The following HCRTR2 variants were observed in gnomAD, a reference collection of about 807,000 sequenced individuals.
The protein encoded by HCRTR2 is hypocretin receptor 2, also known as orexin receptor type 2.
In HCRTR2, 22 loss-of-function variants were observed where a neutral mutation model predicts 49.0. The observed-to-expected ratio is 0.45, with a 90% CI of 0.32 to 0.64. HCRTR2 has a LOEUF of 0.64. Ranked by LOEUF, HCRTR2 falls within the 30% of genes least tolerant of loss-of-function variation. The pLI is 0.04. For synonymous variants in HCRTR2, 236 were observed against 205.3 expected, an observed-to-expected ratio of 1.15 and a Z score of -1.28; for missense variants, 491 against 559.4, an observed-to-expected ratio of 0.88 and a Z score of 1.23.
At chr6:55,232,112 T>C (rs1766126161) in intron 1 of HCRTR2, among the ~76,000 whole-genome samples, 1 of 152,174 alleles carries the variant, frequency 6.6e-6, no homozygotes, top group Admixed American at 6.5e-5. Context: ...CTTCAACCTG[T>C]AATTAAAAAC....
At position 55,144,634 on chromosome 6, in the gene HCRTR2, G is replaced by C. The variant is rs138580406; in HGVS notation, c.-377-29577G>C. Among the ~76,000 whole-genome samples the C allele has an allele frequency of 2.7e-3, 410 of 152,208 alleles. 3 individuals are homozygous for C. Among genetic ancestry groups the C allele is most frequent in the African/African-American group, 9.5e-3 (393 of 41,544 alleles). Reference sequence around the variant, plus strand: ...ATTCTCCTAAGTAGAGCGCACGTTGGATCCCTCGCATGCGCAGTTCACAAT... The same window carrying C: ...ATTCTCCTAAGTAGAGCGCACGTTGCATCCCTCGCATGCGCAGTTCACAAT... On this transcript the variant is annotated intron_variant, in intron 1 of 7. Coordinates refer to the HCRTR2 transcript ENST00000615358.
At chr6:55,207,613 G>A (rs774335524) in intron 1 of HCRTR2, among the ~76,000 whole-genome samples, 6 of 152,068 alleles carry the variant, frequency 3.9e-5, no homozygotes, top group Admixed American at 3.3e-4. Flanking sequence ...GCTTACAATA[G>A]GGAAGAACCA....
intron 1 of HCRTR2, among the ~76,000 whole-genome samples, chr6:55,180,059 C>A (rs1187174191): frequency 1.3e-5 from 2 of 152,118 alleles, no homozygotes; most frequent in Non-Finnish European, 2.9e-5. Context: ...TTTTTCCCTG[C>A]AAAGGAAATT....
chr6:55,137,266 T>C (rs1389042536), intron 1 of HCRTR2, among the ~76,000 whole-genome samples: 1 of 152,120 alleles, frequency 6.6e-6, no homozygotes, highest in Non-Finnish European at 1.5e-5. Context: ...ACATCAAGCA[T>C]GCTAGCCACC....
chr6:55,133,879 G>C (rs9475160), intron 1 of HCRTR2, among the ~76,000 whole-genome samples: 1 of 151,456 alleles, frequency 6.6e-6, no homozygotes, highest in Non-Finnish European at 1.5e-5. Flanking sequence ...AAAATTTCTT[G>C]ATTTCATTCT....
chr6:55,169,280 G>A (rs1764917412), intron 1 of HCRTR2, among the ~76,000 whole-genome samples: 1 of 151,682 alleles, frequency 6.6e-6, no homozygotes, highest in Admixed American at 6.6e-5. Context: ...TAATAATGCA[G>A]GACAGGAGGC....
At chr6:55,270,153 T>G (rs2127326113) in intron 4 of HCRTR2, among the ~76,000 whole-genome samples, 1 of 152,312 alleles carries the variant, frequency 6.6e-6, no homozygotes, top group Admixed American at 6.5e-5. Context: ...TTTAAAAAGA[T>G]GCATTTATTA....
At chr6:55,219,120 A>C (rs1218574826) in intron 1 of HCRTR2, among the ~76,000 whole-genome samples, 1 of 152,296 alleles carries the variant, frequency 6.6e-6, no homozygotes, top group Admixed American at 6.5e-5. Context: ...CGTGCTCAGG[A>C]CCCAACTTTC....
intron 1 of HCRTR2, among the ~76,000 whole-genome samples, chr6:55,158,912 C>T (rs1764766692): frequency 6.6e-6 from 1 of 152,184 alleles, no homozygotes; most frequent in Non-Finnish European, 1.5e-5. Flanking sequence ...CAAGCTGACT[C>T]TGAAGACAGC....
chr6:55,206,096 T>C (rs1765596402), intron 1 of HCRTR2, among the ~76,000 whole-genome samples: 2 of 152,136 alleles, frequency 1.3e-5, no homozygotes, highest in Non-Finnish European at 2.9e-5. Flanking sequence ...TCCAATTAAA[T>C]ATTTAATCAG....
intron 1 of HCRTR2, among the ~76,000 whole-genome samples, chr6:55,162,297 C>T (rs1008011868): frequency 1.3e-5 from 2 of 152,142 alleles, no homozygotes; most frequent in Non-Finnish European, 2.9e-5. Flanking sequence ...GCCCTTCATG[C>T]TAAAAACTCT....
intron 1 of HCRTR2, among the ~76,000 whole-genome samples, chr6:55,138,640 T>C (rs1204211615): frequency 1.3e-5 from 2 of 152,216 alleles, no homozygotes; most frequent in African/African-American, 4.8e-5. Flanking sequence ...TTACATTTTA[T>C]TTAGAGCCAG....
At chr6:55,258,538 A>G (rs1766695901) in intron 3 of HCRTR2, among the ~76,000 whole-genome samples, 1 of 152,164 alleles carries the variant, frequency 6.6e-6, no homozygotes, top group East Asian at 1.9e-4. Flanking sequence ...ACTTCTTCAT[A>G]AAAAGAACCA....
chr6:55,185,208 T>C (rs1765196881), intron 1 of HCRTR2, among the ~76,000 whole-genome samples: 1 of 152,152 alleles, frequency 6.6e-6, no homozygotes, highest in Admixed American at 6.5e-5. Flanking sequence ...CATTAACAAA[T>C]CTTACCAGCT....
intron 4 of HCRTR2, among the ~76,000 whole-genome samples, chr6:55,274,014 G>C (rs1347027289): frequency 6.6e-6 from 1 of 151,200 alleles, no homozygotes; most frequent in Non-Finnish European, 1.5e-5. Flanking sequence ...AAATTGCTTT[G>C]GCTATTCCAG....
At chr6:55,247,271 G>A (rs760434588) in intron 1 of HCRTR2, among the ~76,000 whole-genome samples, 1 of 152,104 alleles carries the variant, frequency 6.6e-6, no homozygotes, top group Non-Finnish European at 1.5e-5. Context: ...ATTACCACGT[G>A]AGAGTTAGAG....
chr6:55,219,096 T>A (rs891781937), intron 1 of HCRTR2, among the ~76,000 whole-genome samples: 3 of 152,132 alleles, frequency 2.0e-5, no homozygotes, highest in Non-Finnish European at 2.9e-5. Context: ...GCTGGGATTA[T>A]AGGCATGAGC....
chr6:55,226,806 C>T (rs1397128983), intron 1 of HCRTR2, among the ~76,000 whole-genome samples: 1 of 146,102 alleles, frequency 6.8e-6, no homozygotes, highest in African/African-American at 2.6e-5. Flanking sequence ...GAAAGCTCCG[C>T]CTCCCGGGTT....
chr6:55,193,104 T>C (rs1765349068), intron 1 of HCRTR2, among the ~76,000 whole-genome samples: 2 of 152,178 alleles, frequency 1.3e-5, no homozygotes, highest in African/African-American at 4.8e-5. Context: ...TGTTCACTCA[T>C]TCATTCCTTC....
Sources: gnomAD v4.1 joint callset for allele counts (sites outside exome capture counted in the v4.1 genomes callset) on GRCh38, gnomAD v4.1.1 for gene constraint, MANE v1.5 for transcripts, NCBI Gene and HGNC (gene_info 2026-07-23, HGNC 2026-07-21) for gene names.